TMC7: variants seen among roughly 807,000 people sequenced by gnomAD.
The protein encoded by TMC7 is transmembrane channel-like protein 7.
A neutral mutation model predicts 82.9 loss-of-function variants in TMC7; 54 were observed. That is an observed-to-expected ratio of 0.65 (90% CI 0.52 to 0.82). The LOEUF (loss-of-function observed/expected upper bound fraction) is 0.82. Ranked by LOEUF, TMC7 falls within the 40% of genes least tolerant of loss-of-function variation. The probability of loss-of-function intolerance (pLI) is 0.00; values close to 1 mark genes in which losing one functional copy is unlikely to be tolerated. For synonymous variants in TMC7, 350 were observed against 337.9 expected (o/e 1.04, Z -0.39); for missense variants, 820 against 901.2 (o/e 0.91, Z 1.15).
rs942395885 is a variant in TMC7 at position 19,063,169 on chromosome 16, A to G, written c.*1326A>G. The G allele has an allele frequency of 6.6e-6, 1 of 152,194 alleles. No homozygotes were observed. The highest frequency in any genetic ancestry group is 1.5e-5 in the Non-Finnish European group (1 of 68,038). 9.4% of individuals were successfully genotyped at this position (152,194 alleles called of 1,614,324 possible). A position where few individuals can be genotyped will look rare whatever the true frequency, so the allele number is the denominator to read the frequency against. On this transcript the variant is annotated 3_prime_UTR_variant, in exon 16 of 16. Transcript: ENST00000304381. ...TTCTAAATCTAATAACTACAGTCATACCACCCTGAAAATGCCTGATCTCGT... is the reference window on the plus strand; with the variant it reads ...TTCTAAATCTAATAACTACAGTCATGCCACCCTGAAAATGCCTGATCTCGT...
At chr16:19,027,355 C>T (rs886861421) in intron 5 of TMC7, among the ~76,000 whole-genome samples, 3 of 152,126 alleles carry the variant, frequency 2.0e-5, no homozygotes, top group Non-Finnish European at 4.4e-5. Context: ...GTGTGAGCCA[C>T]TGTGCCCGGC....
intron 13 of TMC7, among the ~76,000 whole-genome samples, chr16:19,055,616 C>T (rs1020465245): frequency 2.0e-5 from 3 of 152,188 alleles, no homozygotes; most frequent in African/African-American, 7.2e-5. Context: ...CCTTGGCCTC[C>T]CAAAGTGCTG....
chr16:19,025,092 A>C (rs1263257425), intron 5 of TMC7, among the ~76,000 whole-genome samples: 1 of 152,052 alleles, frequency 6.6e-6, no homozygotes, highest in Non-Finnish European at 1.5e-5. Context: ...TGTTGTGTAG[A>C]GCTATCTGGT....
At position 19,029,996 on chromosome 16, in the gene TMC7, G is replaced by A. The variant is rs987992629; in HGVS notation, c.712-228G>A. Among the ~76,000 whole-genome samples, 5 of 151,968 alleles carry A rather than the reference G, an allele frequency of 3.3e-5. No homozygotes were observed. The East Asian group carries it at 7.7e-4, about 23-fold the overall frequency. On this transcript the variant is annotated intron_variant, in intron 5 of 15. Coordinates refer to ENST00000304381, the MANE Select transcript of TMC7 (RefSeq NM_024847.4). ...CTCCCAAAGGGCTGGGATTACAGGC[G>A]TGAGCCACCTTGCCCGGCCCACCTG...
At chr16:19,000,947 G>A (rs1459567044) in intron 1 of TMC7, among the ~76,000 whole-genome samples, 1 of 152,048 alleles carries the variant, frequency 6.6e-6, no homozygotes, top group African/African-American at 2.4e-5. Context: ...TTGAGCCTGG[G>A]AGGCAGAGTG....
At chr16:19,032,831 G>T (rs571598774) in intron 6 of TMC7, among the ~76,000 whole-genome samples, 1 of 152,262 alleles carries the variant, frequency 6.6e-6, no homozygotes, top group African/African-American at 2.4e-5. Context: ...GTTTCACGAC[G>T]TTGGCCAGGC....
intron 6 of TMC7, 119 bp from the exon 7 acceptor site, chr16:19,035,557 T>G: frequency 8.3e-7 from 1 of 1,198,216 alleles, no homozygotes; most frequent in Non-Finnish European, 1.2e-6. Flanking sequence ...AACTTGACCA[T>G]GTCACAATGG....
chr16:19,062,026 C>A lies in TMC7; in HGVS notation c.*183C>A. On this transcript the variant is annotated 3_prime_UTR_variant, in exon 16 of 16. Transcript: ENST00000304381. ...CAGCCCTTAATTAGGGCTTCAGTGACTTAGAAAAGCAGGGGAAACCCAAGG... is the reference window on the plus strand; with the variant it reads ...CAGCCCTTAATTAGGGCTTCAGTGAATTAGAAAAGCAGGGGAAACCCAAGG... 2 of 434,872 alleles carry A rather than the reference C, an allele frequency of 4.6e-6. No homozygotes were observed. The highest frequency in any genetic ancestry group is 8.4e-5 in the Admixed American group (2 of 23,738). 26.9% of individuals were successfully genotyped at this position (434,872 alleles called of 1,614,324 possible).
chr16:19,045,662 T>A (rs1961244568), intron 11 of TMC7, among the ~76,000 whole-genome samples: 1 of 150,056 alleles, frequency 6.7e-6, no homozygotes, highest in Admixed American at 6.7e-5. Context: ...AGTGGCGCGA[T>A]CTTGGCTCAC....
chr16:19,062,056 G>T lies in TMC7; in HGVS notation c.*213G>T. On this transcript the variant is annotated 3_prime_UTR_variant, in exon 16 of 16. Transcript: ENST00000304381. ...AAAAGCAGGGGAAACCCAAGGCTTT[G>T]CCTGCAGACCGGCCACTCTGTGACA... 1 of 413,466 alleles carries T rather than the reference G, an allele frequency of 2.4e-6. No homozygotes were observed. The highest frequency in any genetic ancestry group is 4.3e-6 in the Non-Finnish European group (1 of 234,132). The allele number at this position is 413,466 out of a possible 1,614,324, so 25.6% of individuals were successfully genotyped here.
intron 9 of TMC7, among the ~76,000 whole-genome samples, chr16:19,042,040 G>A (rs943724767): frequency 3.3e-5 from 5 of 152,112 alleles, no homozygotes; most frequent in African/African-American, 1.2e-4. Flanking sequence ...GGTAGATTCT[G>A]TGTCAGTTTT....
intron 5 of TMC7, among the ~76,000 whole-genome samples, chr16:19,026,472 G>A (rs34679951): frequency 0.48 from 70,098 of 146,244 alleles, 19,939 homozygotes; most frequent in East Asian, 0.75. Context: ...GTGAGACTCC[G>A]TCTCAAAAAA....
chr16:19,030,125 G>C (rs919016171), intron 5 of TMC7, 99 bp from the exon 6 acceptor site: 1 of 1,257,642 alleles, frequency 8.0e-7, no homozygotes, highest in Non-Finnish European at 1.1e-6. Flanking sequence ...AGAGAGGAAA[G>C]GGGACACTGG....
chr16:19,031,367 G>T (rs1453605439), intron 6 of TMC7, among the ~76,000 whole-genome samples: 2 of 152,148 alleles, frequency 1.3e-5, no homozygotes. Flanking sequence ...CAGGGGCTGG[G>T]GTCCTATGAC....
At chr16:19,056,242 T>A (rs1961763929) in intron 13 of TMC7, among the ~76,000 whole-genome samples, 1 of 151,946 alleles carries the variant, frequency 6.6e-6, no homozygotes, top group South Asian at 2.1e-4. Context: ...TGCACCACCA[T>A]GCCCGGCTAA....
intron 4 of TMC7, 116 bp from the exon 5 acceptor site, chr16:19,022,997 A>G (rs1296106197): frequency 1.1e-5 from 6 of 550,462 alleles, no homozygotes; most frequent in Non-Finnish European, 1.3e-5. Flanking sequence ...TCCAGTCTGG[A>G]TGACAGAGCG....
chr16:19,008,688 C>G (rs1364904829), intron 1 of TMC7, among the ~76,000 whole-genome samples: 1 of 152,144 alleles, frequency 6.6e-6, no homozygotes, highest in African/African-American at 2.4e-5. Context: ...AACACCATGC[C>G]TGACACACAG....
intron 9 of TMC7, among the ~76,000 whole-genome samples, chr16:19,042,283 T>A (rs1961048478): frequency 6.6e-6 from 1 of 151,988 alleles, no homozygotes; most frequent in Non-Finnish European, 1.5e-5. Flanking sequence ...CAAGTGACCC[T>A]CCTGCCTCAG....
At chr16:18,992,359 A>AT (rs1242961065) in intron 1 of TMC7, among the ~76,000 whole-genome samples, 4 of 152,052 alleles carry the variant, frequency 2.6e-5, no homozygotes, top group Non-Finnish European at 5.9e-5. Flanking sequence ...GATGATGAGC[A>AT]TTTTTTCATG....
Sources: gnomAD v4.1 joint callset for allele counts (sites outside exome capture counted in the v4.1 genomes callset) on GRCh38, gnomAD v4.1.1 for gene constraint, MANE v1.5 for transcripts, NCBI Gene and HGNC (gene_info 2026-07-23, HGNC 2026-07-21) for gene names.